The following TMEM62 variants were observed in gnomAD, a reference collection of about 807,000 sequenced individuals.
TMEM62 encodes the protein transmembrane protein 62.
Under a neutral mutation model 70.4 loss-of-function variants are expected in TMEM62, and 41 were observed. The observed-to-expected ratio is 0.58, with a 90% confidence interval of 0.45 to 0.76. The LOEUF (loss-of-function observed/expected upper bound fraction) is 0.76. TMEM62 is among the 30% of genes least tolerant of loss of function. The pLI, the probability that TMEM62 is intolerant of heterozygous loss-of-function variation, is 0.00. For synonymous variants in TMEM62, 268 were observed against 291.0 expected, an observed-to-expected ratio of 0.92 and a Z score of 0.80; for missense variants, 688 against 788.5, an observed-to-expected ratio of 0.87 and a Z score of 1.53.
At chr15:43,134,696 G>A (rs980369301) in intron 2 of TMEM62, among the ~76,000 whole-genome samples, 1 of 152,160 alleles carries the variant, frequency 6.6e-6, no homozygotes, top group Non-Finnish European at 1.5e-5. Flanking sequence ...GTGAGAATTA[G>A]GGAAAAGCCT....
chr15:43,183,672 T>C (rs2041608445), intron 13 of TMEM62, among the ~76,000 whole-genome samples: 1 of 152,140 alleles, frequency 6.6e-6, no homozygotes, highest in Non-Finnish European at 1.5e-5. Context: ...GTCTTCTCCC[T>C]GTTAGAATGT....
chr15:43,135,669 T>A lies in TMEM62; in HGVS notation c.430+20T>A, dbSNP rs2035119111. ...ATCATGGTAAGAGCCAAGAGCCAGA[T>A]ACAATAAAGACAAGAGTTTTTTTCC... On this transcript the variant is annotated intron_variant, in intron 3 of 13. Transcript: ENST00000260403. 2 of 1,566,380 alleles carry A rather than the reference T, an allele frequency of 1.3e-6. No individual in the cohort carries two copies. Among genetic ancestry groups the A allele is most frequent in the Admixed American group, 2.2e-5 (1 of 45,350 alleles).
chr15:43,167,698 C>T (rs1257589212), intron 10 of TMEM62, among the ~76,000 whole-genome samples: 1 of 151,996 alleles, frequency 6.6e-6, no homozygotes, highest in Non-Finnish European at 1.5e-5. Flanking sequence ...CAGGCAGAGA[C>T]GCTCCTCACT....
intron 10 of TMEM62, among the ~76,000 whole-genome samples, chr15:43,164,262 TAA>T (rs1053259367): frequency 4.6e-5 from 7 of 152,146 alleles, no homozygotes; most frequent in Non-Finnish European, 8.8e-5. Flanking sequence ...AGAAAAGACT[TAA>T]AGAGTCCATC....
At chr15:43,152,838 A>C (rs1044510436) in intron 8 of TMEM62, among the ~76,000 whole-genome samples, 3 of 152,260 alleles carry the variant, frequency 2.0e-5, no homozygotes, top group Non-Finnish European at 2.9e-5. Context: ...ACAATAGAAC[A>C]ACCTTTGGAA....
At chr15:43,139,267 A>G (rs1427675373) in intron 4 of TMEM62, among the ~76,000 whole-genome samples, 1 of 152,192 alleles carries the variant, frequency 6.6e-6, no homozygotes, top group African/African-American at 2.4e-5. Flanking sequence ...AACTTAATCA[A>G]TAAGTGCTGT....
chr15:43,169,654 ATCGAGGATAC>A lies in TMEM62; in HGVS notation c.1359_1368del (p.Arg454GlnfsTer10). 1 of 1,614,084 alleles carries A rather than the reference ATCGAGGATAC, an allele frequency of 6.2e-7. No homozygotes were observed. The highest frequency in any genetic ancestry group is 8.5e-7 in the Non-Finnish European group (1 of 1,179,956). ...CTCACCATTCTCATTATTTTTAGATATCGAGGATACCCAGAGCTTAAAGGTTAGTTATGGT... is the reference window on the plus strand; with the variant it reads ...CTCACCATTCTCATTATTTTTAGATACCAGAGCTTAAAGGTTAGTTATGGT... On this transcript the variant is annotated frameshift_variant, in exon 11 of 14. Transcript: ENST00000260403. LOFTEE classifies it high-confidence loss of function.
intron 4 of TMEM62, among the ~76,000 whole-genome samples, chr15:43,145,861 CTG>C (rs1379645891): frequency 6.6e-6 from 1 of 152,184 alleles, no homozygotes; most frequent in African/African-American, 2.4e-5. Flanking sequence ...CTGCCCTGTA[CTG>C]TGTTACTCAT....
At chr15:43,148,051 T>C (rs1451945461) in intron 5 of TMEM62, among the ~76,000 whole-genome samples, 2 of 152,242 alleles carry the variant, frequency 1.3e-5, no homozygotes, top group Non-Finnish European at 2.9e-5. Context: ...TTGGTATAAC[T>C]GTCACCACAG....
chr15:43,145,310 T>C (rs1299105447), intron 4 of TMEM62, among the ~76,000 whole-genome samples: 1 of 150,966 alleles, frequency 6.6e-6, no homozygotes, highest in Admixed American at 6.6e-5. Flanking sequence ...GTTCAAGCCA[T>C]TGTCCTGCCT....
At chr15:43,140,072 AT>A (rs561062927) in intron 4 of TMEM62, among the ~76,000 whole-genome samples, 8 of 151,600 alleles carry the variant, frequency 5.3e-5, no homozygotes, top group East Asian at 1.9e-4. Context: ...CATGCAGCTG[AT>A]TTTTTTTTGT....
chr15:43,160,816 T>C (rs376638876), intron 10 of TMEM62, 22 bp downstream of exon 10: 1 of 1,369,310 alleles, frequency 7.3e-7, no homozygotes, highest in African/African-American at 1.4e-5. Flanking sequence ...CAATTAAATA[T>C]TACATATGTT....
In TMEM62 at chr15:43,184,777, C is replaced by T; in HGVS notation, c.*191C>T. The T allele has an allele frequency of 1.7e-6, 1 of 594,510 alleles. No homozygotes were observed. The highest frequency in any genetic ancestry group is 3.0e-6 in the Non-Finnish European group (1 of 337,260). 36.8% of individuals were successfully genotyped at this position (594,510 alleles called of 1,614,324 possible). A position where few individuals can be genotyped will look rare whatever the true frequency, so the allele number is the denominator to read the frequency against. ...CCTGCAGAATGGACTGCAGAAAAGTCTCAAAAATAATGCCTTTATTCCTTC... is the reference window on the plus strand; with the variant it reads ...CCTGCAGAATGGACTGCAGAAAAGTTTCAAAAATAATGCCTTTATTCCTTC... On this transcript the variant is annotated 3_prime_UTR_variant, in exon 14 of 14. Coordinates refer to ENST00000260403, the MANE Select transcript of TMEM62 (RefSeq NM_024956.4).
chr15:43,164,165 A>G (rs1189656078), intron 10 of TMEM62, among the ~76,000 whole-genome samples: 1 of 152,192 alleles, frequency 6.6e-6, no homozygotes, highest in Non-Finnish European at 1.5e-5. Context: ...CTAAATTCAG[A>G]AAGAGCAATG....
At chr15:43,158,812 A>C (rs919863348) in intron 9 of TMEM62, among the ~76,000 whole-genome samples, 21 of 152,182 alleles carry the variant, frequency 1.4e-4, no homozygotes, top group African/African-American at 4.1e-4. Flanking sequence ...TTGGTTCTTT[A>C]GTATCTGCCA....
chr15:43,150,855 A>C (rs1195163735), intron 7 of TMEM62, among the ~76,000 whole-genome samples: 1 of 152,260 alleles, frequency 6.6e-6, no homozygotes, highest in Non-Finnish European at 1.5e-5. Context: ...ACCTGATACC[A>C]GGAGACTGGG....
At chr15:43,143,852 C>T (rs1214456362) in intron 4 of TMEM62, among the ~76,000 whole-genome samples, 1 of 152,176 alleles carries the variant, frequency 6.6e-6, no homozygotes, top group African/African-American at 2.4e-5. Flanking sequence ...TAGCTTTGTT[C>T]TGCATTGTCA....
chr15:43,155,966 C>A (rs1266617030), intron 9 of TMEM62, among the ~76,000 whole-genome samples: 1 of 152,004 alleles, frequency 6.6e-6, no homozygotes, highest in Non-Finnish European at 1.5e-5. Flanking sequence ...AAATAATAAT[C>A]ATTACCAAAA....
chr15:43,148,270 T>C (rs1049807128), intron 5 of TMEM62, among the ~76,000 whole-genome samples: 1 of 152,204 alleles, frequency 6.6e-6, no homozygotes, highest in South Asian at 2.1e-4. Flanking sequence ...ATCCGTATGA[T>C]TGTGTGTATC....
Sources: allele counts gnomAD v4.1 joint callset (sites outside exome capture counted in the v4.1 genomes callset), GRCh38; gene constraint gnomAD v4.1.1; transcripts MANE v1.5; gene names NCBI Gene and HGNC (gene_info 2026-07-23, HGNC 2026-07-21).